GANC: variants seen among roughly 807,000 people sequenced by gnomAD.
GANC encodes the protein neutral alpha-glucosidase C.
In GANC, 117 loss-of-function variants were observed where a neutral mutation model predicts 124.2. That is an observed-to-expected ratio of 0.94 (90% CI 0.81 to 1.10). GANC has a LOEUF of 1.10. Among genes scored for constraint, GANC ranks in the 50% least tolerant of loss-of-function variants. The pLI is 0.00. For synonymous variants in GANC, 377 were observed against 376.8 expected, an observed-to-expected ratio of 1.00 and a Z score of -0.01; for missense variants, 1,140 against 1,095.0, an observed-to-expected ratio of 1.04 and a Z score of -0.58.
At chr15:42,300,901 C>T (rs1007732817) in intron 6 of GANC, among the ~76,000 whole-genome samples, 1 of 151,900 alleles carries the variant, frequency 6.6e-6, no homozygotes, top group Non-Finnish European at 1.5e-5. Context: ...GCCTGTAATC[C>T]CAGCTACTAG....
At chr15:42,323,780 G>C (rs2052179242) in intron 11 of GANC, among the ~76,000 whole-genome samples, 1 of 152,298 alleles carries the variant, frequency 6.6e-6, no homozygotes, top group African/African-American at 2.4e-5. Context: ...TGGGGTTACA[G>C]GCGTGAGCCA....
At chr15:42,277,432 A>G (rs1450956141) in intron 2 of GANC, among the ~76,000 whole-genome samples, 2 of 151,316 alleles carry the variant, frequency 1.3e-5, no homozygotes, top group African/African-American at 4.8e-5. Context: ...TGGGAGGCTG[A>G]GGCAGGAGAA....
At chr15:42,338,355 T>G (rs774029933) in intron 15 of GANC, 34 bp from the exon 16 acceptor site, 1 of 1,485,990 alleles carries the variant, frequency 6.7e-7, no homozygotes, top group Non-Finnish European at 9.4e-7. Flanking sequence ...TGGGTTGATT[T>G]GTGATTTTAA....
Position 42,283,862 on chromosome 15 carries a change from C to T in GANC, c.202-3829C>T, listed in dbSNP as rs1384956043. On this transcript the variant is annotated intron_variant, in intron 3 of 23. Coordinates refer to ENST00000318010, the MANE Select transcript of GANC (RefSeq NM_198141.3). Reference sequence around the variant, plus strand: ...ACTGGCCAGACAATCAGAAGCACACCTGGACAGGCCAGTTGTCCTTGGGGA... The same window carrying T: ...ACTGGCCAGACAATCAGAAGCACACTTGGACAGGCCAGTTGTCCTTGGGGA... 4.3e-6 allele frequency: 3 copies of T among 702,492 alleles called. No homozygotes were observed. In the African/African-American group the frequency reaches 5.2e-5, roughly 12 times the overall value. The allele number at this position is 702,492 out of a possible 1,614,324, so 43.5% of individuals were successfully genotyped here.
chr15:42,314,201 C>T, intron 10 of GANC: 1 of 755,286 alleles, frequency 1.3e-6, no homozygotes, highest in Non-Finnish European at 2.4e-6. Flanking sequence ...GAAAATATTC[C>T]CCACAAGGAG....
chr15:42,275,808 C>A (rs987730508), intron 1 of GANC, among the ~76,000 whole-genome samples: 1 of 152,174 alleles, frequency 6.6e-6, no homozygotes, highest in Non-Finnish European at 1.5e-5. Flanking sequence ...CACCTTGCAC[C>A]TCTATTAAAG....
At chr15:42,316,409 G>A (rs967072080) in intron 10 of GANC, among the ~76,000 whole-genome samples, 12 of 152,092 alleles carry the variant, frequency 7.9e-5, no homozygotes, top group African/African-American at 2.4e-4. Context: ...AAGGTGAGTC[G>A]TCCAAGTGAT....
rs1246259258 is a variant in GANC, at chr15:42,329,369, G to C, written c.1564G>C (p.Glu522Gln). 2 of 1,614,038 alleles carry C rather than the reference G, an allele frequency of 1.2e-6. No individual in the cohort carries two copies. The highest frequency in any genetic ancestry group is 3.3e-5 in the Admixed American group (2 of 60,002). The stretch of plus-strand genomic sequence containing the variant: ...TGAGCCTTCTGTCTTTAGAGGGCCA[G>C]AGCAAACCATGCAGAAGAATGCCAT... ...MNEPSVFRGPEQTMQKNAIHH... is the reference protein window; with the variant it reads ...MNEPSVFRGPQQTMQKNAIHH... Residue 522 changes from glutamate (E) to glutamine (Q), a missense_variant, in exon 14 of 24, where the codon GAG becomes CAG. Coordinates refer to ENST00000318010, the MANE Select transcript of GANC (RefSeq NM_198141.3).
intron 3 of GANC, among the ~76,000 whole-genome samples, chr15:42,284,743 G>A (rs1290810515): frequency 6.6e-6 from 1 of 152,152 alleles, no homozygotes; most frequent in African/African-American, 2.4e-5. Flanking sequence ...CTAGGCTCAA[G>A]CAATCCTCTT....
chr15:42,291,564 T>C (rs2051842459), intron 4 of GANC, among the ~76,000 whole-genome samples: 1 of 152,132 alleles, frequency 6.6e-6, no homozygotes, highest in Non-Finnish European at 1.5e-5. Context: ...TTGGAAAGCA[T>C]TGTAGTGAAC....
At chr15:42,338,856 G>A (rs2052304503) in intron 16 of GANC, among the ~76,000 whole-genome samples, 1 of 152,158 alleles carries the variant, frequency 6.6e-6, no homozygotes, top group African/African-American at 2.4e-5. Flanking sequence ...CAGAAAGTCA[G>A]CCTTACAGAA....
intron 18 of GANC, among the ~76,000 whole-genome samples, chr15:42,341,154 A>C (rs2052327260): frequency 6.8e-6 from 1 of 146,568 alleles, no homozygotes; most frequent in East Asian, 1.9e-4. Flanking sequence ...AAAGTTCCTA[A>C]TTCCAAGAAA....
At chr15:42,330,715 T>C in intron 15 of GANC, 43 bp downstream of exon 15, 1 of 1,211,980 alleles carries the variant, frequency 8.3e-7, no homozygotes, top group South Asian at 1.3e-5. Flanking sequence ...CATTAGCAAC[T>C]TTTTTTTTAA....
Position 42,352,416 on chromosome 15 carries a change from T to C in GANC, c.*277T>C, listed in dbSNP as rs147930287. On this transcript the variant is annotated 3_prime_UTR_variant, in exon 24 of 24. Transcript: ENST00000318010. ...TTTATAGCGTTCAGGAGTCTTCTATTGCTTCCATTCCTTCAGCAGGGCTGC... is the reference window on the plus strand; with the variant it reads ...TTTATAGCGTTCAGGAGTCTTCTATCGCTTCCATTCCTTCAGCAGGGCTGC... 16,257 of 1,161,714 alleles carry C rather than the reference T, an allele frequency of 0.014. 144 individuals carry two copies. The highest frequency in any genetic ancestry group is 0.016 in the Non-Finnish European group (14,871 of 935,036). 72.0% of individuals were successfully genotyped at this position (1,161,714 alleles called of 1,614,324 possible). A position where few individuals can be genotyped will look rare whatever the true frequency, so the allele number is the denominator to read the frequency against.
chr15:42,295,308 A>G (rs966004494), intron 5 of GANC, among the ~76,000 whole-genome samples: 1 of 152,012 alleles, frequency 6.6e-6, no homozygotes, highest in Non-Finnish European at 1.5e-5. Context: ...ATTGCCTTCC[A>G]TAGAGGTTGT....
In GANC at chr15:42,278,526, T is replaced by C. The variant is rs1293183269; in HGVS notation, c.137T>C (p.Leu46Ser). 1 of 1,613,036 alleles carries C rather than the reference T, an allele frequency of 6.2e-7. No individual in the cohort carries two copies. Among genetic ancestry groups the C allele is most frequent in the African/African-American group, 1.3e-5 (1 of 74,888 alleles). The change falls in exon 3 of 24, where the codon TTA becomes TCA. Residue 46 changes from leucine to serine, a missense_variant. Leu to Ser is a moderately radical substitution (Grantham distance 145, BLOSUM62 -2). Transcript: ENST00000318010. ...TCCAAGAAGTCCACCTATCAGGCAT[T>C]ATTGGATTCAGTCACAACAGATGAA... ...WLSKKSTYQA[L>S]LDSVTTDEDS...
chr15:42,298,703 A>C (rs1276978071), intron 6 of GANC, among the ~76,000 whole-genome samples: 2 of 152,174 alleles, frequency 1.3e-5, no homozygotes, highest in Non-Finnish European at 2.9e-5. Flanking sequence ...TGAGGATGGA[A>C]TGTTTTATCA....
intron 11 of GANC, among the ~76,000 whole-genome samples, chr15:42,324,024 T>A (rs1389956889): frequency 6.6e-6 from 1 of 152,070 alleles, no homozygotes; most frequent in Non-Finnish European, 1.5e-5. Context: ...TTTGGAAACA[T>A]TACAAGTTTT....
intron 22 of GANC, 37 bp downstream of exon 22, chr15:42,349,532 T>C (rs1424988441): frequency 8.6e-7 from 1 of 1,157,406 alleles, no homozygotes. Context: ...TTTTCTTAAG[T>C]AAATCACACT....
Sources: allele counts gnomAD v4.1 joint callset (sites outside exome capture counted in the v4.1 genomes callset), GRCh38; gene constraint gnomAD v4.1.1; transcripts MANE v1.5; gene names NCBI Gene and HGNC (gene_info 2026-07-23, HGNC 2026-07-21).